The following MYL10 variants were observed in gnomAD, a reference collection of about 807,000 sequenced individuals.
The protein encoded by MYL10 is myosin light chain 10.
In MYL10, 18 loss-of-function variants were observed where a neutral mutation model predicts 21.9. The ratio of observed to expected loss-of-function variants is 0.82; its 90% CI spans 0.57 to 1.22. The LOEUF (loss-of-function observed/expected upper bound fraction) is 1.22. Among genes scored for constraint, MYL10 ranks in the 50% most tolerant of loss-of-function variants. MYL10 has a pLI of 0.00. For synonymous variants in MYL10, 88 were observed against 82.8 expected (o/e 1.06, Z -0.34); for missense variants, 225 against 230.4 (o/e 0.98, Z 0.15).
chr7:101,627,246 C>T (rs1162320227), intron 1 of MYL10, among the ~76,000 whole-genome samples: 3 of 151,542 alleles, frequency 2.0e-5, no homozygotes, highest in Non-Finnish European at 4.4e-5. Flanking sequence ...TTGCAGTGAG[C>T]CGAGATCGAG....
intron 1 of MYL10, among the ~76,000 whole-genome samples, chr7:101,628,078 G>T (rs1796767827): frequency 6.6e-6 from 1 of 152,206 alleles, no homozygotes; most frequent in Admixed American, 6.5e-5. Flanking sequence ...TATTATCAGG[G>T]TGTCCATTAA....
At chr7:101,624,977 T>TTG (rs374327785) in intron 1 of MYL10, among the ~76,000 whole-genome samples, 52 of 152,084 alleles carry the variant, frequency 3.4e-4, no homozygotes, top group African/African-American at 1.2e-3. Context: ...CTACAGCATG[T>TTG]ATCACACTGT....
chr7:101,620,157 A>ATTTTTT (rs1796660408), intron 5 of MYL10, among the ~76,000 whole-genome samples: 1 of 152,106 alleles, frequency 6.6e-6, no homozygotes, highest in East Asian at 1.9e-4. Flanking sequence ...CGGTATCTCT[A>ATTTTTT]CTAAAAATAC....
chr7:101,625,941 C>T (rs893840187), intron 1 of MYL10, among the ~76,000 whole-genome samples: 2 of 148,480 alleles, frequency 1.3e-5, no homozygotes, highest in African/African-American at 2.5e-5. Context: ...CCCCTGGTTA[C>T]ACCCCCACCC....
chr7:101,627,943 C>T (rs1185396078), intron 1 of MYL10, among the ~76,000 whole-genome samples: 3 of 152,182 alleles, frequency 2.0e-5, no homozygotes, highest in South Asian at 4.1e-4. Context: ...CTGGGTGGGA[C>T]ATCACCCTCT....
At chr7:101,614,172 G>A (rs780409672) in intron 6 of MYL10, among the ~76,000 whole-genome samples, 6 of 152,102 alleles carry the variant, frequency 3.9e-5, no homozygotes, top group Middle Eastern at 3.2e-3. Context: ...GCCCAGGTCC[G>A]TGTCCTCCTG....
At position 101,624,001 on chromosome 7, in the gene MYL10, C is replaced by T. The variant is rs941235050; in HGVS notation, c.192G>A (p.Arg64=). The T allele has an allele frequency of 6.7e-6, 4 of 598,722 alleles. No homozygotes were observed. Among genetic ancestry groups the T allele is most frequent in the Admixed American group, 2.8e-5 (1 of 35,902 alleles). The allele number at this position is 598,722 out of a possible 1,614,324, so 37.1% of individuals were successfully genotyped here. A position where few individuals can be genotyped will look rare whatever the true frequency, so the allele number is the denominator to read the frequency against. ...CCGAGATCATGCCATTGCGCTCCAG[C>T]CTGGGCGACAGAGCCAGACTCTGTC... ...EFKESLALSP[R]LERNGMISAH... is the part of the protein sequence containing the mutation. Residue 64 remains arginine (R), a synonymous_variant, in exon 3 of 8, where the codon AGG becomes AGA. Coordinates refer to ENST00000223167, the MANE Select transcript of MYL10 (RefSeq NM_138403.5).
intron 1 of MYL10, among the ~76,000 whole-genome samples, chr7:101,626,979 G>A (rs533008612): frequency 7.2e-5 from 11 of 152,214 alleles, no homozygotes; most frequent in African/African-American, 2.6e-4. Flanking sequence ...CAGAGTCAAG[G>A]TCACAGAACA....
chr7:101,619,297 C>A (rs1025180376), intron 5 of MYL10, among the ~76,000 whole-genome samples: 2 of 152,188 alleles, frequency 1.3e-5, no homozygotes, highest in African/African-American at 2.4e-5. Context: ...TGGGAATAGG[C>A]CCCGACAAGC....
At chr7:101,620,193 C>T (rs765062075) in intron 5 of MYL10, among the ~76,000 whole-genome samples, 18 of 152,038 alleles carry the variant, frequency 1.2e-4, no homozygotes, top group African/African-American at 1.2e-4. Flanking sequence ...GGCATGGTGG[C>T]GGGTGCCTGT....
At chr7:101,623,119 G>A (rs372759944) in intron 3 of MYL10, 47 bp from the exon 4 acceptor site, 163 of 1,566,680 alleles carry the variant, frequency 1.0e-4, no homozygotes, top group Non-Finnish European at 1.3e-4. Flanking sequence ...TTCCAAGCCC[G>A]GCCACCTCCC....
chr7:101,627,261 C>T (rs1178107213), intron 1 of MYL10, among the ~76,000 whole-genome samples: 4 of 151,082 alleles, frequency 2.6e-5, no homozygotes, highest in Non-Finnish European at 5.9e-5. Context: ...ATCGAGCCAC[C>T]GCACTCCAAC....
intron 5 of MYL10, among the ~76,000 whole-genome samples, chr7:101,617,275 G>A (rs2130736540): frequency 6.6e-6 from 1 of 152,364 alleles, no homozygotes; most frequent in African/African-American, 2.4e-5. Flanking sequence ...TTCATGGTAA[G>A]GTTTTAACGA....
At chr7:101,624,483 GC>G (rs1433452932) in intron 1 of MYL10, among the ~76,000 whole-genome samples, 1 of 152,220 alleles carries the variant, frequency 6.6e-6, no homozygotes, top group South Asian at 2.1e-4. Context: ...CCCCCACAGA[GC>G]TGGACAGCTG....
At chr7:101,621,303 G>A (rs751418442) in intron 5 of MYL10, among the ~76,000 whole-genome samples, 2 of 152,082 alleles carry the variant, frequency 1.3e-5, no homozygotes, top group East Asian at 1.9e-4. Context: ...GGCAGGGGTC[G>A]TGACTCCTCT....
chr7:101,628,884 T>C (rs929468578), intron 1 of MYL10, among the ~76,000 whole-genome samples, 157 bp downstream of exon 1: 1 of 152,208 alleles, frequency 6.6e-6, no homozygotes, highest in Non-Finnish European at 1.5e-5. Context: ...GCAGCTAATA[T>C]ACAACACAGA....
At chr7:101,624,409 C>A in intron 1 of MYL10, 145 bp from the exon 2 acceptor site, 3 of 607,726 alleles carry the variant, frequency 4.9e-6, no homozygotes, top group Non-Finnish European at 5.8e-6. Flanking sequence ...AAGGCTACCC[C>A]TGAAGCCTTG....
At chr7:101,615,901 G>A (rs1796604202) in intron 6 of MYL10, among the ~76,000 whole-genome samples, 1 of 151,856 alleles carries the variant, frequency 6.6e-6, no homozygotes, top group African/African-American at 2.4e-5. Context: ...GTTTTGCTGT[G>A]TTGGCCAGGG....
rs1796571320 is a variant in MYL10, at chr7:101,613,395, A to C, written c.*80T>G. 1 of 1,207,138 alleles carries C rather than the reference A, an allele frequency of 8.3e-7. No homozygotes were observed. Among genetic ancestry groups the C allele is most frequent in the Admixed American group, 1.9e-5 (1 of 53,742 alleles). The allele number at this position is 1,207,138 out of a possible 1,614,324, so 74.8% of individuals were successfully genotyped here. ...AGGACAAGGGAAGCCTTTTTCCTGC[A>C]GCCTCTGGCTGCAAGAGCTCCCTGT... On this transcript the variant is annotated 3_prime_UTR_variant, in exon 8 of 8. Coordinates refer to ENST00000223167, the MANE Select transcript of MYL10 (RefSeq NM_138403.5).
Sources: gnomAD v4.1 joint callset for allele counts (sites outside exome capture counted in the v4.1 genomes callset) on GRCh38, gnomAD v4.1.1 for gene constraint, MANE v1.5 for transcripts, NCBI Gene and HGNC (gene_info 2026-07-23, HGNC 2026-07-21) for gene names.